The following RSBN1L variants were observed in gnomAD, a reference collection of about 807,000 sequenced individuals.
RSBN1L encodes round spermatid basic protein 1 like.
Under a neutral mutation model 67.7 loss-of-function variants are expected in RSBN1L, and 30 were observed. The ratio of observed to expected loss-of-function variants is 0.44; its 90% confidence interval spans 0.33 to 0.60. The LOEUF (loss-of-function observed/expected upper bound fraction) is 0.60. RSBN1L is among the 20% of genes least tolerant of loss of function. The probability of loss-of-function intolerance (pLI) is 0.02; values close to 1 mark genes in which losing one functional copy is unlikely to be tolerated. For missense variants in RSBN1L, 992 were observed against 1,031.7 expected, an observed-to-expected ratio of 0.96 and a Z score of 0.53; for synonymous variants, 433 against 387.0, an observed-to-expected ratio of 1.12 and a Z score of -1.39.
In RSBN1L at chr7:77,749,586, A is replaced by G. The variant is rs1383695180; in HGVS notation, c.866A>G (p.Asp289Gly). The G allele has an allele frequency of 1.2e-6, 2 of 1,614,018 alleles. No individual in the cohort carries two copies. Among genetic ancestry groups the G allele is most frequent in the South Asian group, 2.2e-5 (2 of 91,028 alleles). ...ICSGLLTDVE[D>G]QAAKGILNDN... is the part of the protein sequence containing the mutation. ...TCAGGATTGCTAACTGATGTTGAAGATCAAGCAGCCAAAGGCATCCTAAAT... is the reference window on the plus strand; with the variant it reads ...TCAGGATTGCTAACTGATGTTGAAGGTCAAGCAGCCAAAGGCATCCTAAAT... Residue 289 changes from aspartate (D) to glycine (G), a missense_variant, in exon 3 of 8, where the codon GAT (aspartate) becomes GGT (glycine). Asp to Gly is a moderately conservative substitution (Grantham distance 94). This residue lies in a region of RSBN1L where 575 missense variants were observed against 483.2 expected (regional missense o/e 1.19). Coordinates refer to ENST00000334955, the MANE Select transcript of RSBN1L (RefSeq NM_198467.3).
rs776370741 is a variant in RSBN1L, at chr7:77,696,502, C to T, written c.33C>T (p.Val11=). The T allele has an allele frequency of 5.6e-6, 9 of 1,613,136 alleles. No homozygotes were observed. Among genetic ancestry groups the T allele is most frequent in the Non-Finnish European group, 6.8e-6 (8 of 1,179,654 alleles). The change falls in exon 1 of 8, where the codon GTC becomes GTT. Residue 11 remains valine, a synonymous_variant. Coordinates refer to ENST00000334955, the MANE Select transcript of RSBN1L (RefSeq NM_198467.3). MAEPPSPVHC[V]AAAAPTATVS... The stretch of plus-strand genomic sequence containing the variant: ...AACCGCCGAGCCCCGTGCACTGTGT[C>T]GCTGCCGCGGCCCCCACCGCCACCG...
chr7:77,719,966 TA>T (rs1791094456), intron 1 of RSBN1L, among the ~76,000 whole-genome samples: 1 of 152,160 alleles, frequency 6.6e-6, no homozygotes, highest in Non-Finnish European at 1.5e-5. Flanking sequence ...GGTCTCGCCA[TA>T]TTGTCCAGGC....
chr7:77,749,203 A>G (rs1320472893), intron 2 of RSBN1L, among the ~76,000 whole-genome samples: 1 of 152,146 alleles, frequency 6.6e-6, no homozygotes, highest in Non-Finnish European at 1.5e-5. Flanking sequence ...GCAGTGAGAC[A>G]GGATTGTGGC....
At chr7:77,721,753 G>A (rs1791122883) in intron 1 of RSBN1L, among the ~76,000 whole-genome samples, 2 of 152,318 alleles carry the variant, frequency 1.3e-5, no homozygotes, top group East Asian at 1.9e-4. Context: ...CTTAACTGAA[G>A]ATTCTTGAAT....
At chr7:77,724,467 C>G (rs934756439) in intron 1 of RSBN1L, among the ~76,000 whole-genome samples, 4 of 141,396 alleles carry the variant, frequency 2.8e-5, no homozygotes, top group African/African-American at 5.3e-5. Context: ...ACTCTGTTGT[C>G]CAGGTGGGAG....
chr7:77,721,569 C>A (rs1791120463), intron 1 of RSBN1L, among the ~76,000 whole-genome samples: 1 of 152,114 alleles, frequency 6.6e-6, no homozygotes, highest in African/African-American at 2.4e-5. Flanking sequence ...CGTAATCTTA[C>A]AGGATGTGTA....
At chr7:77,753,919 C>G (rs1791585321) in intron 3 of RSBN1L, among the ~76,000 whole-genome samples, 1 of 152,180 alleles carries the variant, frequency 6.6e-6, no homozygotes, top group Non-Finnish European at 1.5e-5. Flanking sequence ...ATACCCCTTC[C>G]TCATTGTATT....
At chr7:77,750,243 C>A (rs1791537608) in intron 3 of RSBN1L, among the ~76,000 whole-genome samples, 179 bp downstream of exon 3, 1 of 139,150 alleles carries the variant, frequency 7.2e-6, no homozygotes, top group African/African-American at 2.7e-5. Context: ...ATTCAATTTT[C>A]ACTTATGTAT....
At chr7:77,702,374 G>C (rs1450689883) in intron 1 of RSBN1L, among the ~76,000 whole-genome samples, 1 of 152,078 alleles carries the variant, frequency 6.6e-6, no homozygotes, top group African/African-American at 2.4e-5. Context: ...CCTCTTCAAG[G>C]ATATTAATTA....
At chr7:77,717,645 A>G (rs1010557926) in intron 1 of RSBN1L, among the ~76,000 whole-genome samples, 1 of 152,220 alleles carries the variant, frequency 6.6e-6, no homozygotes. Flanking sequence ...TACTTATAAT[A>G]TATACTGCAG....
chr7:77,741,961 T>C (rs1347752902), intron 2 of RSBN1L, among the ~76,000 whole-genome samples: 1 of 151,970 alleles, frequency 6.6e-6, no homozygotes, highest in Admixed American at 6.6e-5. Flanking sequence ...TTCCTAAGGC[T>C]ACTCCCAGGG....
intron 1 of RSBN1L, among the ~76,000 whole-genome samples, chr7:77,698,560 A>T (rs1421060693): frequency 1.3e-5 from 2 of 152,242 alleles, no homozygotes; most frequent in African/African-American, 2.4e-5. Flanking sequence ...GCATTCTTTA[A>T]CAATTCTAAC....
At chr7:77,703,906 C>T (rs1363718663) in intron 1 of RSBN1L, among the ~76,000 whole-genome samples, 1 of 152,200 alleles carries the variant, frequency 6.6e-6, no homozygotes, top group East Asian at 1.9e-4. Context: ...TCTCCTGCTT[C>T]ACCCTCCCCA....
chr7:77,720,989 G>C (rs1212286248), intron 1 of RSBN1L, among the ~76,000 whole-genome samples: 1 of 151,562 alleles, frequency 6.6e-6, no homozygotes, highest in Non-Finnish European at 1.5e-5. Flanking sequence ...TGATCTGCCT[G>C]CCTCGGCATG....
rs1433604277 is a variant in RSBN1L, at chr7:77,696,863, C to T, written c.394C>T (p.Pro132Ser). 2 of 1,611,826 alleles carry T rather than the reference C, an allele frequency of 1.2e-6. No individual in the cohort carries two copies. The highest frequency in any genetic ancestry group is 1.3e-5 in the African/African-American group (1 of 75,072). Reference protein sequence around the residue: ...QPVPRKLLVPPTLLHAQPHHL... With the variant: ...QPVPRKLLVPSTLLHAQPHHL... ...GGTGCCGCGCAAACTGCTGGTCCCT[C>T]CTACGCTGCTGCACGCTCAGCCTCA... Residue 132 changes from proline (P) to serine (S), a missense_variant, in exon 1 of 8, where the codon CCT becomes TCT. Physicochemically the swap from Pro to Ser is moderately conservative, Grantham distance 74 (BLOSUM62 -1). This residue lies in a region of RSBN1L where 575 missense variants were observed against 483.2 expected (regional missense o/e 1.19). Transcript: ENST00000334955.
chr7:77,770,733 A>T (rs1248616014), intron 5 of RSBN1L, among the ~76,000 whole-genome samples: 1 of 152,170 alleles, frequency 6.6e-6, no homozygotes, highest in Non-Finnish European at 1.5e-5. Flanking sequence ...CTTGATCTGG[A>T]TGGATATTCA....
intron 1 of RSBN1L, 181 bp downstream of exon 1, chr7:77,697,236 T>A: frequency 1.8e-6 from 1 of 553,556 alleles, no homozygotes; most frequent in Non-Finnish European, 2.7e-6. Context: ...ATGGAGCCTG[T>A]AATTTCGGTT....
chr7:77,716,007 C>G (rs1791043678), intron 1 of RSBN1L, among the ~76,000 whole-genome samples: 1 of 152,124 alleles, frequency 6.6e-6, no homozygotes, highest in Non-Finnish European at 1.5e-5. Context: ...TTATCAGATA[C>G]ATGTTTTGCA....
At chr7:77,705,652 C>T (rs552432154) in intron 1 of RSBN1L, among the ~76,000 whole-genome samples, 7 of 151,118 alleles carry the variant, frequency 4.6e-5, no homozygotes, top group South Asian at 4.2e-4. Flanking sequence ...GCTGGGATTA[C>T]GGGCGCATGC....
Sources: allele counts gnomAD v4.1 joint callset (sites outside exome capture counted in the v4.1 genomes callset), GRCh38; gene constraint gnomAD v4.1.1; regional missense constraint gnomAD v4.1.1; transcripts MANE v1.5; gene names NCBI Gene and HGNC (gene_info 2026-07-23, HGNC 2026-07-21).